Variants in GP2 observed in about 807,000 individuals in gnomAD.
GP2 encodes glycoprotein 2.
In GP2, 58 loss-of-function variants were observed where a neutral mutation model predicts 60.8. The ratio of observed to expected loss-of-function variants is 0.95; its 90% CI spans 0.77 to 1.19. The LOEUF (loss-of-function observed/expected upper bound fraction) is 1.19. Ranked by LOEUF, GP2 falls within the 50% of genes most tolerant of loss-of-function variation. The probability of loss-of-function intolerance (pLI) is 0.00; values close to 1 mark genes in which losing one functional copy is unlikely to be tolerated. For synonymous variants in GP2, 280 were observed against 253.4 expected, an observed-to-expected ratio of 1.10 and a Z score of -1.00; for missense variants, 647 against 667.4, an observed-to-expected ratio of 0.97 and a Z score of 0.34.
rs79104004 is a variant in GP2, at chr16:20,324,039, C to T, written c.312G>A (p.Ser104=). The stretch of plus-strand genomic sequence containing the variant: ...ATCGGTGCACCTGGACACAGGTCTC[C>T]GACATCCTTACTCCTCCTTCCCCTA... ...RFVGEGGVRM[S]ETCVQVHRCQ... is the part of the protein sequence containing the mutation. The change falls in exon 3 of 11, where the codon TCG becomes TCA. Residue 104 remains serine, a synonymous_variant. Coordinates refer to ENST00000302555, the MANE Select transcript of GP2 (RefSeq NM_001502.4). 4.7e-3 allele frequency: 7,650 copies of T among 1,613,894 alleles called. 314 individuals are homozygous for T. The African/African-American group carries it at 0.087, about 18-fold the overall frequency.
At chr16:20,319,109 C>A (rs1483461331) in intron 6 of GP2, among the ~76,000 whole-genome samples, 1 of 152,058 alleles carries the variant, frequency 6.6e-6, no homozygotes, top group Non-Finnish European at 1.5e-5. Context: ...GACGGGGGTG[C>A]CTGTTTATCC....
rs1266907379 is a variant in GP2 at position 20,309,983 on chromosome 16, G to A, written c.*1240C>T. 3.9e-5 allele frequency: 6 copies of A among 152,160 alleles called. No homozygotes were observed. The highest frequency in any genetic ancestry group is 3.9e-4 in the Admixed American group (6 of 15,270). 9.4% of individuals were successfully genotyped at this position (152,160 alleles called of 1,614,324 possible). ...GATGTGTCTCTGAGGCCAACTTTGCGAGGCCTTATCTGTAGCTGTGGGAAG... is the reference window on the plus strand; with the variant it reads ...GATGTGTCTCTGAGGCCAACTTTGCAAGGCCTTATCTGTAGCTGTGGGAAG... On this transcript the variant is annotated 3_prime_UTR_variant, in exon 11 of 11. Transcript: ENST00000302555.
chr16:20,317,807 A>G (rs1406000807), intron 7 of GP2, among the ~76,000 whole-genome samples: 2 of 152,118 alleles, frequency 1.3e-5, no homozygotes, highest in Admixed American at 6.5e-5. Flanking sequence ...ATAGAAATGC[A>G]TTTTTCCCTT....
intron 7 of GP2, among the ~76,000 whole-genome samples, chr16:20,317,858 C>A (rs907359521): frequency 1.3e-5 from 2 of 152,190 alleles, no homozygotes; most frequent in African/African-American, 4.8e-5. Context: ...TTTCACCCCA[C>A]AACATTTATC....
chr16:20,314,397 G>A (rs1019991337), intron 10 of GP2, among the ~76,000 whole-genome samples: 4 of 151,830 alleles, frequency 2.6e-5, no homozygotes, highest in African/African-American at 9.7e-5. Flanking sequence ...TAAGCTCTAT[G>A]AGGGTAGGCA....
At chr16:20,316,153 G>A (rs1055066066) in intron 8 of GP2, 113 bp from the exon 9 acceptor site, 4 of 658,566 alleles carry the variant, frequency 6.1e-6, no homozygotes, top group African/African-American at 3.7e-5. Flanking sequence ...ACTGGTTCAC[G>A]CTATGGCCCT....
intron 10 of GP2, among the ~76,000 whole-genome samples, chr16:20,313,669 G>C (rs903461833): frequency 9.2e-5 from 14 of 152,142 alleles, no homozygotes; most frequent in African/African-American, 3.4e-4. Flanking sequence ...TTAGGCACAT[G>C]GCCCACCCAG....
chr16:20,325,686 T>A (rs1044879972), intron 2 of GP2, among the ~76,000 whole-genome samples: 1 of 152,162 alleles, frequency 6.6e-6, no homozygotes, highest in African/African-American at 2.4e-5. Context: ...GTGCTTACAA[T>A]ACACATTAAA....
In GP2 at chr16:20,324,137, G is replaced by T. The variant is rs151174559; in HGVS notation, c.214C>A (p.Pro72Thr). The T allele has an allele frequency of 6.2e-7, 1 of 1,614,026 alleles. No homozygotes were observed. ...PCQNYTLLDEPFRSTENSAGS... is the reference protein window; with the variant it reads ...PCQNYTLLDETFRSTENSAGS... ...GCTGAGTTCTCTGTGCTTCGGAAGG[G>T]TTCATCCAGGAGGGTGTAATTCTGA... The change falls in exon 3 of 11, where the codon CCC (proline) becomes ACC (threonine). Residue 72 changes from proline to threonine, a missense_variant. Transcript: ENST00000302555.
At chr16:20,323,571 C>A (rs1964439270) in intron 3 of GP2, 2 of 585,578 alleles carry the variant, frequency 3.4e-6, no homozygotes, top group Non-Finnish European at 6.2e-6. Flanking sequence ...TCGGAACGAG[C>A]ATGAGTTCTG....
At chr16:20,315,893 G>T in intron 9 of GP2, 63 bp downstream of exon 9, 2 of 966,358 alleles carry the variant, frequency 2.1e-6, no homozygotes, top group Non-Finnish European at 1.7e-6. Flanking sequence ...GTGACCCCAG[G>T]CATCTGTGGT....
chr16:20,324,913 A>G (rs1449111764), intron 2 of GP2, among the ~76,000 whole-genome samples: 2 of 152,212 alleles, frequency 1.3e-5, no homozygotes, highest in African/African-American at 4.8e-5. Context: ...TGTGCATTAT[A>G]GAATGTTTAG....
intron 10 of GP2, among the ~76,000 whole-genome samples, chr16:20,314,116 T>G (rs1964080716): frequency 6.6e-6 from 1 of 151,988 alleles, no homozygotes; most frequent in Non-Finnish European, 1.5e-5. Context: ...GACAAATACC[T>G]AATGCATGCG....
chr16:20,324,351 A>C, intron 2 of GP2, 95 bp from the exon 3 acceptor site: 1 of 728,252 alleles, frequency 1.4e-6, no homozygotes, highest in Non-Finnish European at 2.3e-6. Flanking sequence ...TGTGCTAAGG[A>C]CTCCAATGAG....
intron 5 of GP2, 108 bp from the exon 6 acceptor site, chr16:20,319,876 C>T (rs1289177757): frequency 1.2e-6 from 1 of 857,506 alleles, no homozygotes; most frequent in East Asian, 2.4e-5. Flanking sequence ...CATGCAGCCA[C>T]CCTACCTTCT....
chr16:20,325,442 A>G (rs1002014374), intron 2 of GP2, among the ~76,000 whole-genome samples: 7 of 152,264 alleles, frequency 4.6e-5, no homozygotes, highest in African/African-American at 1.4e-4. Flanking sequence ...AAAAATAAAC[A>G]TACAGCCATT....
intron 4 of GP2, among the ~76,000 whole-genome samples, chr16:20,321,363 C>A (rs997123060): frequency 2.6e-5 from 4 of 152,240 alleles, no homozygotes; most frequent in Non-Finnish European, 4.4e-5. Flanking sequence ...TACCAACCAC[C>A]TTCTCAAATG....
intron 1 of GP2, 101 bp from the exon 2 acceptor site, chr16:20,326,568 T>A: frequency 1.1e-6 from 1 of 942,020 alleles, no homozygotes; most frequent in Non-Finnish European, 1.6e-6. Context: ...TGTTTCAAAG[T>A]AGGTGTGACT....
Position 20,324,230 on chromosome 16 carries a change from A to C in GP2, c.121T>G (p.Ser41Ala). 6.2e-7 allele frequency: 1 copy of C among 1,605,146 alleles called. No homozygotes were observed. The highest frequency in any genetic ancestry group is 8.5e-7 in the Non-Finnish European group (1 of 1,173,148). ...CCGCAGTCCAGGTCCAGCCCATACG[A>C]ACTGGCTTCAATGGGGTTTCCATAA... ...RGYGNPIEAS[S>A]YGLDLDCGAP... Residue 41 changes from serine (S) to alanine (A), a missense_variant, in exon 3 of 11, where the codon TCG (serine) becomes GCG (alanine). Ser to Ala is a moderately conservative substitution (Grantham distance 99). Transcript: ENST00000302555.
Sources: allele counts gnomAD v4.1 joint callset (sites outside exome capture counted in the v4.1 genomes callset), GRCh38; gene constraint gnomAD v4.1.1; transcripts MANE v1.5; gene names NCBI Gene and HGNC (gene_info 2026-07-23, HGNC 2026-07-21).